KIF7: variants seen among roughly 807,000 people sequenced by gnomAD.
The protein encoded by KIF7 is kinesin-like protein KIF7.
Under a neutral mutation model 135.7 loss-of-function variants are expected in KIF7, and 104 were observed. That is an observed-to-expected ratio of 0.77 (90% CI 0.65 to 0.90). The LOEUF (loss-of-function observed/expected upper bound fraction) is 0.90. Ranked by LOEUF, KIF7 falls within the 40% of genes least tolerant of loss-of-function variation. KIF7 has a pLI of 0.00. For synonymous variants in KIF7, 883 were observed against 809.4 expected, an observed-to-expected ratio of 1.09 and a Z score of -1.54; for missense variants, 2,005 against 1,839.1, an observed-to-expected ratio of 1.09 and a Z score of -1.65.
At chr15:89,643,349 G>T (rs757759028) in intron 10 of KIF7, among the ~76,000 whole-genome samples, 14 of 152,166 alleles carry the variant, frequency 9.2e-5, no homozygotes, top group Non-Finnish European at 1.0e-4. Context: ...ATCTAGAGAT[G>T]ATTTAAAGTG....
intron 11 of KIF7, 31 bp from the exon 12 acceptor site, chr15:89,633,914 G>A: frequency 6.2e-7 from 1 of 1,611,844 alleles, no homozygotes; most frequent in East Asian, 2.2e-5. Context: ...ACTGGGCCAT[G>A]CACGGGGCTA....
Position 89,649,316 on chromosome 15 carries a change from C to G in KIF7, c.581G>C (p.Ser194Thr). The change falls in exon 4 of 19, where the codon AGC becomes ACC. Residue 194 changes from serine to threonine, a missense_variant. Coordinates refer to ENST00000394412, the MANE Select transcript of KIF7 (RefSeq NM_198525.3). Reference sequence around the variant, plus strand: ...CGCCGCGTTGCCCATCTCCAGGAGGCTCAGCACCTCATCCAGGCCCTCCAC... The same window carrying G: ...CGCCGCGTTGCCCATCTCCAGGAGGGTCAGCACCTCATCCAGGCCCTCCAC... ...VDVEGLDEVL[S>T]LLEMGNAARH... 2 of 1,481,618 alleles carry G rather than the reference C, an allele frequency of 1.3e-6. No homozygotes were observed. The highest frequency in any genetic ancestry group is 1.8e-6 in the Non-Finnish European group (2 of 1,110,814). The allele number at this position is 1,481,618 out of a possible 1,614,324, so 91.8% of individuals were successfully genotyped here. A position where few individuals can be genotyped will look rare whatever the true frequency, so the allele number is the denominator to read the frequency against.
chr15:89,621,890 C>A (rs1238517917), intron 1 of KIF7, among the ~76,000 whole-genome samples: 2 of 151,968 alleles, frequency 1.3e-5, no homozygotes, highest in Admixed American at 6.6e-5. Context: ...TCCATCCAGT[C>A]ACCAACATTA....
chr15:89,650,636 C>CCT (rs1341215482), intron 2 of KIF7, among the ~76,000 whole-genome samples: 26 of 152,228 alleles, frequency 1.7e-4, no homozygotes, highest in Admixed American at 1.2e-3. Context: ...TCGTGATCCG[C>CCT]CGGCCTCAGC....
intron 1 of KIF7, among the ~76,000 whole-genome samples, chr15:89,620,537 A>G (rs953544030): frequency 2.0e-5 from 3 of 152,094 alleles, no homozygotes; most frequent in African/African-American, 7.2e-5. Context: ...TACAAATTAA[A>G]GTAGTTCAGT....
intron 1 of KIF7, chr15:89,619,572 T>C (rs1963390386): frequency 2.3e-6 from 2 of 863,886 alleles, no homozygotes; most frequent in Admixed American, 5.5e-5. Context: ...ACTTCAGAAG[T>C]CTCTTAAAGC....
At chr15:89,625,227 G>A (rs1963498372), downstream of KIF7, 3 of 1,613,508 alleles carry the variant, frequency 1.9e-6, no homozygotes, top group South Asian at 1.1e-5. Context: ...AGAGCAGGGG[G>A]CAAACCTACA....
At chr15:89,631,404 C>T in intron 15 of KIF7, 91 bp downstream of exon 15, 1 of 1,196,980 alleles carries the variant, frequency 8.4e-7, no homozygotes, top group Non-Finnish European at 1.2e-6. Context: ...CAAGGCCCAG[C>T]ACCCGCAGAG....
chr15:89,649,444 C>G, intron 3 of KIF7, 77 bp from the exon 4 acceptor site: 1 of 1,415,132 alleles, frequency 7.1e-7, no homozygotes, highest in Non-Finnish European at 9.3e-7. Flanking sequence ...CAGAGCAGAA[C>G]TAGCCCCAAA....
downstream of KIF7, chr15:89,625,163 AACCCACCTATGTGTC>A (rs1176992868): frequency 2.0e-5 from 33 of 1,613,844 alleles, no homozygotes; most frequent in Non-Finnish European, 2.8e-5. Flanking sequence ...AGCAAACCTG[AACCCACCTATGTGTC>A]ACCCCCCTGC....
Position 89,645,440 on chromosome 15 carries a change from C to G in KIF7, c.1934G>C (p.Ser645Thr). 7.4e-6 allele frequency: 12 copies of G among 1,612,748 alleles called. No homozygotes were observed. Among genetic ancestry groups the G allele is most frequent in the Non-Finnish European group, 1.0e-5 (12 of 1,179,258 alleles). The change falls in exon 9 of 19, where the codon AGC becomes ACC. Residue 645 changes from serine to threonine, a missense_variant. Ser to Thr is a moderately conservative substitution (Grantham distance 58, BLOSUM62 1). Coordinates refer to ENST00000394412, the MANE Select transcript of KIF7 (RefSeq NM_198525.3). ...TGCCCCCGCCCTCTGACTGCAGTTG[C>G]TGATCCTATTTCTGGAGGACAGAAG... ...RTLHLRRNRI[S>T]NCSQRAGARP...
intron 12 of KIF7, 110 bp downstream of exon 12, chr15:89,633,576 C>T (rs1408806383): frequency 2.5e-6 from 3 of 1,196,336 alleles, no homozygotes; most frequent in Non-Finnish European, 3.6e-6. Flanking sequence ...GACCTGCTTT[C>T]TAAGGTCACG....
chr15:89,640,224 A>G (rs1963893046), intron 11 of KIF7, among the ~76,000 whole-genome samples: 2 of 152,102 alleles, frequency 1.3e-5, no homozygotes, highest in Admixed American at 1.3e-4. Context: ...GCGCACCAGC[A>G]TGGCACATGT....
Position 89,629,010 on chromosome 15 carries a change from C to CTTCTGT in KIF7, c.3624_3629dup (p.Gln1209_Lys1210dup), listed in dbSNP as rs752086211. 1.7e-5 allele frequency: 28 copies of CTTCTGT among 1,613,664 alleles called. No homozygotes were observed. In the African/African-American group the frequency reaches 3.5e-4, roughly 20 times the overall value. The stretch of plus-strand genomic sequence containing the variant: ...GGCCTACAGCGTTCACACCGCCGAG[C>CTTCTGT]TTCTGTTTCAGTTCCTGGTTTATCC... On this transcript the variant is annotated inframe_insertion, in exon 18 of 19. Transcript: ENST00000394412.
intron 11 of KIF7, among the ~76,000 whole-genome samples, chr15:89,639,822 G>A (rs1200627241): frequency 6.6e-6 from 1 of 151,854 alleles, no homozygotes; most frequent in Non-Finnish European, 1.5e-5. Flanking sequence ...AAATCATGCA[G>A]CTATAAAGAC....
At chr15:89,634,560 G>A (rs1220641189) in intron 11 of KIF7, among the ~76,000 whole-genome samples, 2 of 152,204 alleles carry the variant, frequency 1.3e-5, no homozygotes, top group Non-Finnish European at 2.9e-5. Flanking sequence ...CAAACGAAGG[G>A]GTGACAGATG....
At chr15:89,625,491 C>T, downstream of KIF7, 3 of 1,613,960 alleles carry the variant, frequency 1.9e-6, no homozygotes, top group South Asian at 3.3e-5. Context: ...GCCTTGAACT[C>T]AGCATCCACA....
At chr15:89,625,303 G>A, downstream of KIF7, 1 of 1,614,080 alleles carries the variant, frequency 6.2e-7, no homozygotes, top group Non-Finnish European at 8.5e-7. Flanking sequence ...AACAGATGGG[G>A]TTCCTTGGAC....
At chr15:89,642,655 C>T (rs1168054324) in intron 10 of KIF7, among the ~76,000 whole-genome samples, 1 of 152,224 alleles carries the variant, frequency 6.6e-6, no homozygotes, top group Non-Finnish European at 1.5e-5. Context: ...GTGCAACCTC[C>T]GCCTTCCAGA....
Sources: gnomAD v4.1 joint callset for allele counts (sites outside exome capture counted in the v4.1 genomes callset) on GRCh38, gnomAD v4.1.1 for gene constraint, MANE v1.5 for transcripts, NCBI Gene and HGNC (gene_info 2026-07-23, HGNC 2026-07-21) for gene names.